The following FGF12 variants were observed in gnomAD, a reference collection of about 807,000 sequenced individuals.
FGF12 encodes fibroblast growth factor 12B.
Under a neutral mutation model 23.6 loss-of-function variants are expected in FGF12, and 14 were observed. The observed-to-expected ratio is 0.59, with a 90% CI of 0.39 to 0.93. FGF12 has a LOEUF of 0.93. FGF12 is among the 40% of genes least tolerant of loss of function. The pLI, the probability that FGF12 is intolerant of heterozygous loss-of-function variation, is 0.00. For synonymous variants in FGF12, 62 were observed against 77.3 expected (o/e 0.80, Z 1.04); for missense variants, 175 against 217.8 (o/e 0.80, Z 1.24).
intron 2 of FGF12, among the ~76,000 whole-genome samples, chr3:192,415,744 A>ACG (rs1560104842): frequency 6.6e-6 from 1 of 150,770 alleles, no homozygotes; most frequent in Non-Finnish European, 1.5e-5. Flanking sequence ...ACACACACAC[A>ACG]CACACACACA....
At chr3:192,680,848 T>A (rs766640247) in intron 2 of FGF12, among the ~76,000 whole-genome samples, 2 of 152,186 alleles carry the variant, frequency 1.3e-5, no homozygotes, top group Admixed American at 6.5e-5. Context: ...AGACTCATAA[T>A]AATAAACAAA....
At chr3:192,186,056 T>C (rs1186550082) in intron 4 of FGF12, among the ~76,000 whole-genome samples, 1 of 152,226 alleles carries the variant, frequency 6.6e-6, no homozygotes, top group African/African-American at 2.4e-5. Flanking sequence ...CCTCTTCACA[T>C]TCTATGTTAG....
chr3:192,629,909 A>T (rs77201878), intron 2 of FGF12, among the ~76,000 whole-genome samples: 14,982 of 152,150 alleles, frequency 0.098, 933 homozygotes, highest in Non-Finnish European at 0.15. Context: ...TCCCTAGGTA[A>T]TCCTTATTAG....
chr3:192,393,146 T>C (rs1354882256), intron 2 of FGF12, among the ~76,000 whole-genome samples: 2 of 152,234 alleles, frequency 1.3e-5, no homozygotes, highest in East Asian at 3.9e-4. Flanking sequence ...CCTATGTCAT[T>C]GGTAAGGTGA....
rs183036751 is a variant in FGF12, at chr3:192,603,854, C to T, written c.13+123327G>A. Reference sequence around the variant, plus strand: ...AAACATCTTAACAGAAAACAGGGTTCGAGAGCAGAGAACTGGTCTGACCAA... The same window carrying T: ...AAACATCTTAACAGAAAACAGGGTTTGAGAGCAGAGAACTGGTCTGACCAA... On this transcript the variant is annotated intron_variant, in intron 2 of 5. Transcript: ENST00000445105. Among the ~76,000 whole-genome samples, 219 of 152,146 alleles carry T rather than the reference C, an allele frequency of 1.4e-3. 2 individuals carry two copies. Among genetic ancestry groups the T allele is most frequent in the South Asian group, 6.2e-3 (30 of 4,818 alleles).
At chr3:192,239,494 G>T (rs1357835322) in intron 4 of FGF12, among the ~76,000 whole-genome samples, 1 of 152,076 alleles carries the variant, frequency 6.6e-6, no homozygotes, top group African/African-American at 2.4e-5. Context: ...TGGACCAGGG[G>T]CCCCCAACTC....
intron 2 of FGF12, among the ~76,000 whole-genome samples, chr3:192,568,570 A>G (rs1325934460): frequency 6.6e-6 from 1 of 152,220 alleles, no homozygotes; most frequent in African/African-American, 2.4e-5. Context: ...CTTCAGAGAA[A>G]TGAAAGCATT....
At chr3:192,579,203 G>GA (rs201619796) in intron 2 of FGF12, among the ~76,000 whole-genome samples, 2,708 of 152,120 alleles carry the variant, frequency 0.018, 50 homozygotes, top group Middle Eastern at 0.11. Flanking sequence ...TCCTATTTGG[G>GA]AAAAGGTTAC....
chr3:192,333,411 C>G (rs952542233), intron 4 of FGF12, among the ~76,000 whole-genome samples: 72 of 152,056 alleles, frequency 4.7e-4, no homozygotes, highest in African/African-American at 1.7e-3. Flanking sequence ...AAAATAACAT[C>G]CTCTTGCCTT....
intron 4 of FGF12, among the ~76,000 whole-genome samples, chr3:192,299,112 T>C (rs959618448): frequency 6.6e-6 from 1 of 152,168 alleles, no homozygotes; most frequent in African/African-American, 2.4e-5. Context: ...ATCCAATCAA[T>C]ATCAGTGAGG....
At chr3:192,708,689 G>C (rs75231283) in intron 2 of FGF12, among the ~76,000 whole-genome samples, 2,277 of 152,222 alleles carry the variant, frequency 0.015, 20 homozygotes, top group Non-Finnish European at 0.024. Context: ...GTATAGCACA[G>C]AAAGAAATCA....
chr3:192,228,853 T>C (rs1442867605), intron 4 of FGF12, among the ~76,000 whole-genome samples: 2 of 152,114 alleles, frequency 1.3e-5, no homozygotes, highest in Non-Finnish European at 2.9e-5. Flanking sequence ...ATACTGCGTC[T>C]GAGGAAAAAC....
intron 2 of FGF12, among the ~76,000 whole-genome samples, chr3:192,606,224 C>T (rs1714331514): frequency 6.6e-6 from 1 of 152,148 alleles, no homozygotes; most frequent in African/African-American, 2.4e-5. Flanking sequence ...TTTGCAGCAA[C>T]ATGGATGCAG....
At chr3:192,493,039 C>T (rs1405457610) in intron 2 of FGF12, among the ~76,000 whole-genome samples, 2 of 150,776 alleles carry the variant, frequency 1.3e-5, no homozygotes, top group Non-Finnish European at 2.9e-5. Context: ...TCAAGTAATC[C>T]ACCCTTATTT....
chr3:192,522,346 C>CTTTTAAACAT lies in FGF12; in HGVS notation c.14-161818_14-161809dup, dbSNP rs1311330691. Among the ~76,000 whole-genome samples the CTTTTAAACAT allele has an allele frequency of 2.6e-5, 4 of 152,216 alleles. No individual in the cohort carries two copies. In the East Asian group the frequency reaches 7.7e-4, roughly 29 times the overall value. Reference sequence around the variant, plus strand: ...TGAATTAGATAGAAGATATAACTTACTTTTAAACATTTGAAAAGTCATCAG... The same window carrying CTTTTAAACAT: ...TGAATTAGATAGAAGATATAACTTACTTTTAAACATTTTTAAACATTTGAAAAGTCATCAG... On this transcript the variant is annotated intron_variant, in intron 2 of 5. Coordinates refer to ENST00000445105, the MANE Select transcript of FGF12 (RefSeq NM_004113.6).
At chr3:192,246,839 G>GGA (rs997199318) in intron 4 of FGF12, among the ~76,000 whole-genome samples, 9 of 131,334 alleles carry the variant, frequency 6.9e-5, no homozygotes, top group Admixed American at 3.2e-4. Flanking sequence ...AAAAAAAAAA[G>GGA]GAGAGAGAGA....
intron 2 of FGF12, among the ~76,000 whole-genome samples, chr3:192,449,012 TA>T (rs1560114525): frequency 6.6e-6 from 1 of 152,220 alleles, no homozygotes; most frequent in Non-Finnish European, 1.5e-5. Flanking sequence ...AGCAACAGTA[TA>T]TTTTTGTATT....
At chr3:192,527,774 T>C (rs7643361) in intron 2 of FGF12, among the ~76,000 whole-genome samples, 129,251 of 152,222 alleles carry the variant, frequency 0.85, 55,136 homozygotes, top group Non-Finnish European at 0.89. Context: ...TTTAATGACT[T>C]ATAGTTCCAC....
At chr3:192,563,158 GT>G (rs1206540097) in intron 2 of FGF12, among the ~76,000 whole-genome samples, 1 of 152,158 alleles carries the variant, frequency 6.6e-6, no homozygotes, top group Non-Finnish European at 1.5e-5. Context: ...GAAGTTAAAA[GT>G]AAAGCAATTT....
Sources: gnomAD v4.1 joint callset for allele counts (sites outside exome capture counted in the v4.1 genomes callset) on GRCh38, gnomAD v4.1.1 for gene constraint, MANE v1.5 for transcripts, NCBI Gene and HGNC (gene_info 2026-07-23, HGNC 2026-07-21) for gene names.